Variants in MGST1 observed in about 807,000 individuals in gnomAD.
MGST1 encodes the protein microsomal glutathione S-transferase 1.
Under a neutral mutation model 8.9 loss-of-function variants are expected in MGST1, and 5 were observed. The observed-to-expected ratio is 0.56, with a 90% CI of 0.29 to 1.19. The LOEUF (loss-of-function observed/expected upper bound fraction) is 1.19, where lower values mean the gene tolerates loss of function less well. Ranked by LOEUF, MGST1 falls within the 50% of genes most tolerant of loss-of-function variation. The pLI, the probability that MGST1 is intolerant of heterozygous loss-of-function variation, is 0.08. For missense variants in MGST1, 182 were observed against 187.4 expected, an observed-to-expected ratio of 0.97 and a Z score of 0.17; for synonymous variants, 54 against 67.8, an observed-to-expected ratio of 0.80 and a Z score of 1.00.
chr12:16,549,041 A>C (rs1269558288), intron 4 of MGST1: 2 of 152,134 alleles, frequency 1.3e-5, no homozygotes, highest in East Asian at 3.9e-4. Context: ...AACAAAAGCA[A>C]AACCAGTTAA....
At chr12:16,429,110 C>T (rs1304185301) in intron 1 of MGST1, among the ~76,000 whole-genome samples, 1 of 152,088 alleles carries the variant, frequency 6.6e-6, no homozygotes, top group Non-Finnish European at 1.5e-5. Flanking sequence ...TAAATTCCAG[C>T]ACCTTCTGAA....
At chr12:16,465,308 G>C (rs1941246171) in intron 4 of MGST1, among the ~76,000 whole-genome samples, 1 of 152,184 alleles carries the variant, frequency 6.6e-6, no homozygotes, top group Non-Finnish European at 1.5e-5. Context: ...CATTTTATGG[G>C]AAAGTAGGAC....
intron 4 of MGST1, among the ~76,000 whole-genome samples, chr12:16,485,838 C>G (rs1941396029): frequency 6.6e-6 from 1 of 152,016 alleles, no homozygotes; most frequent in African/African-American, 2.4e-5. Flanking sequence ...ACTAAGCATT[C>G]AATTCAAGAA....
chr12:16,444,382 A>G (rs1210763076), intron 4 of MGST1, among the ~76,000 whole-genome samples: 1 of 151,714 alleles, frequency 6.6e-6, no homozygotes, highest in Non-Finnish European at 1.5e-5. Flanking sequence ...TGCCCAAGCC[A>G]TTTGCCACTG....
chr12:16,498,681 G>A (rs1034173833), intron 4 of MGST1, among the ~76,000 whole-genome samples: 1 of 152,172 alleles, frequency 6.6e-6, no homozygotes, highest in Admixed American at 6.6e-5. Flanking sequence ...GCCATTTTAT[G>A]CTCTAACAGG....
rs763226714 is a variant in MGST1 at position 16,546,737 on chromosome 12, A to T, written n.483-42791A>T. On this transcript the variant is annotated intron_variant and non_coding_transcript_variant, in intron 4 of 4. Transcript: ENST00000538857. This position sits in a 1 kb window ranked among gnomAD's most constrained non-coding sequence, Gnocchi z 4.7. ...AAGCTTATTGGAATGGCATTTACCA[A>T]GATAGTTGGGAAAGTTTAGTTGGTG... Among the ~76,000 whole-genome samples the T allele has an allele frequency of 1.3e-5, 2 of 152,120 alleles. No homozygotes were observed. The highest frequency in any genetic ancestry group is 2.9e-5 in the Non-Finnish European group (2 of 68,006).
rs879096400 is a variant in MGST1 at position 16,560,602 on chromosome 12, G to A, written n.483-28926G>A. Reference sequence around the variant, plus strand: ...ACAGAGAAATCTGAGATCGTGAAGAGAGATGATGTTAATATACTCTGTAAA... The same window carrying A: ...ACAGAGAAATCTGAGATCGTGAAGAAAGATGATGTTAATATACTCTGTAAA... On this transcript the variant is annotated intron_variant and non_coding_transcript_variant, in intron 4 of 4. Transcript: ENST00000538857. The surrounding 1 kb of genome is among the most constrained non-coding windows in gnomAD (Gnocchi z 5.0). 11 of 1,447,750 alleles carry A rather than the reference G, an allele frequency of 7.6e-6. No homozygotes were observed. The South Asian group carries it at 1.3e-4, about 18-fold the overall frequency. 89.7% of individuals were successfully genotyped at this position (1,447,750 alleles called of 1,614,324 possible).
intron 1 of MGST1, among the ~76,000 whole-genome samples, chr12:16,422,052 T>G (rs993728228): frequency 1.3e-5 from 2 of 152,170 alleles, no homozygotes; most frequent in African/African-American, 4.8e-5. Flanking sequence ...GGCCCACACA[T>G]AGTCTTCATT....
chr12:16,552,439 G>C (rs1316890404), intron 4 of MGST1, among the ~76,000 whole-genome samples: 1 of 152,024 alleles, frequency 6.6e-6, no homozygotes, highest in Admixed American at 6.6e-5. Context: ...TTAATGTTTT[G>C]TGAAGTTGAA....
At chr12:16,570,133 G>A (rs1246857276) in intron 4 of MGST1, among the ~76,000 whole-genome samples, 1 of 152,084 alleles carries the variant, frequency 6.6e-6, no homozygotes, top group Admixed American at 6.6e-5. Flanking sequence ...CATAATAAAA[G>A]CTTTTAAGAA....
At chr12:16,572,850 T>G (rs1229708945) in intron 4 of MGST1, among the ~76,000 whole-genome samples, 11 of 151,668 alleles carry the variant, frequency 7.3e-5, no homozygotes, top group Non-Finnish European at 1.3e-4. Context: ...GGATACTACA[T>G]TAAGGCCAAA....
chr12:16,556,428 G>T (rs1405013220), intron 4 of MGST1, among the ~76,000 whole-genome samples: 1 of 150,918 alleles, frequency 6.6e-6, no homozygotes, highest in Non-Finnish European at 1.5e-5. Flanking sequence ...ATATATAAGG[G>T]ACAATCAATC....
chr12:16,409,516 A>AT (rs934736674), intron 1 of MGST1, among the ~76,000 whole-genome samples: 6 of 152,252 alleles, frequency 3.9e-5, no homozygotes, highest in African/African-American at 1.4e-4. Flanking sequence ...TGGAGCTTAT[A>AT]TAGGGTGAGA....
chr12:16,478,854 AT>A (rs1941344227), intron 4 of MGST1, among the ~76,000 whole-genome samples: 1 of 152,106 alleles, frequency 6.6e-6, no homozygotes, highest in Non-Finnish European at 1.5e-5. Flanking sequence ...AAATTGAACA[AT>A]TCAATGGCAT....
intron 4 of MGST1, chr12:16,549,112 C>G (rs757361640): frequency 6.6e-6 from 1 of 152,076 alleles, no homozygotes; most frequent in African/African-American, 2.4e-5. Context: ...ATGTGAATTT[C>G]AAGCAATTGT....
At chr12:16,505,943 A>G (rs1186697425) in intron 4 of MGST1, among the ~76,000 whole-genome samples, 1 of 152,244 alleles carries the variant, frequency 6.6e-6, no homozygotes, top group Non-Finnish European at 1.5e-5. Context: ...TTGCCATATA[A>G]AAACACATGT....
downstream of MGST1, chr12:16,364,516 G>A (rs1043321943): frequency 1.2e-5 from 6 of 483,950 alleles, no homozygotes; most frequent in Admixed American, 1.9e-4. The surrounding 1 kb of genome is among the most constrained non-coding windows in gnomAD (Gnocchi z 5.7). Flanking sequence ...GCTTAGAATC[G>A]CCAGTTGTTA....
chr12:16,525,833 A>G (rs1245941676), intron 4 of MGST1, among the ~76,000 whole-genome samples: 2 of 151,368 alleles, frequency 1.3e-5, no homozygotes, highest in African/African-American at 4.9e-5. Context: ...AATGATTGCC[A>G]TTCTAACTGG....
intron 4 of MGST1, among the ~76,000 whole-genome samples, chr12:16,522,278 C>A (rs908932670): frequency 5.3e-5 from 8 of 152,082 alleles, no homozygotes; most frequent in Non-Finnish European, 1.2e-4. Flanking sequence ...ATCTAATTTG[C>A]TGTTTATCTT....
Sources: gnomAD v4.1 joint callset for allele counts (sites outside exome capture counted in the v4.1 genomes callset) on GRCh38, gnomAD v4.1.1 for gene constraint, Gnocchi (gnomAD v3.1) non-coding constraint, MANE v1.5 for transcripts, NCBI Gene and HGNC (gene_info 2026-07-23, HGNC 2026-07-21) for gene names.